The following MZT2A variants were observed in gnomAD, a reference collection of about 807,000 sequenced individuals.
The protein encoded by MZT2A is mitotic spindle organizing protein 2A.
Under a neutral mutation model 12.4 loss-of-function variants are expected in MZT2A, and 8 were observed. The ratio of observed to expected loss-of-function variants is 0.64; its 90% CI spans 0.38 to 1.16. MZT2A has a LOEUF of 1.16. MZT2A is among the 50% of genes most tolerant of loss of function. The probability of loss-of-function intolerance (pLI) is 0.01; values close to 1 mark genes in which losing one functional copy is unlikely to be tolerated. For missense variants in MZT2A, 181 were observed against 223.6 expected, an observed-to-expected ratio of 0.81 and a Z score of 1.22; for synonymous variants, 88 against 107.5, an observed-to-expected ratio of 0.82 and a Z score of 1.12.
intron 2 of MZT2A, chr2:131,478,072 G>C (rs2695520): frequency 5.0e-5 from 76 of 1,509,236 alleles, no homozygotes; most frequent in East Asian, 3.1e-4. Flanking sequence ...TACTGAAGCA[G>C]TATATAAATA....
In MZT2A at chr2:131,492,219, G is replaced by T. The variant is rs774003415; in HGVS notation, c.158C>A (p.Pro53His). 6.3e-7 allele frequency: 1 copy of T among 1,581,710 alleles called. No homozygotes were observed. The highest frequency in any genetic ancestry group is 8.6e-7 in the Non-Finnish European group (1 of 1,169,096). Residue 53 changes from proline (P) to histidine (H), a missense_variant, in exon 1 of 3, where the codon CCC (proline) becomes CAC (histidine). Coordinates refer to ENST00000309451, the MANE Select transcript of MZT2A (RefSeq NM_001085365.2). ...CCGCCCCGCTCACTTGAACACGTCG[G>T]GGTCGATACCGCCGCCCGCCGCCTG... is the stretch of plus-strand genomic sequence containing the variant. ...LAQAAGGGID[P>H]DVFKILVDLL...
chr2:131,486,227 T>C (rs1030255722), intron 2 of MZT2A, among the ~76,000 whole-genome samples: 3 of 151,940 alleles, frequency 2.0e-5, no homozygotes, highest in African/African-American at 7.3e-5. Flanking sequence ...ACGCATCTCT[T>C]GTGGTACAAA....
At chr2:131,479,307 G>T (rs765512160), downstream of MZT2A, 21 of 1,613,686 alleles carry the variant, frequency 1.3e-5, no homozygotes, top group South Asian at 2.2e-4. Flanking sequence ...CTCTTTTGCA[G>T]ATGAAGTGCG....
chr2:131,492,438 G>A (rs541060218), upstream of MZT2A: 1,465 of 1,195,350 alleles, frequency 1.2e-3, 4 homozygotes, highest in Middle Eastern at 8.1e-3. Flanking sequence ...TGCGCCCACC[G>A]CCCTCTCCCT....
downstream of MZT2A, chr2:131,482,670 A>G (rs199950748): frequency 1.3e-6 from 2 of 1,568,824 alleles, no homozygotes; most frequent in East Asian, 2.3e-5. Context: ...GCCCGCCTGG[A>G]CCATAAGTTC....
Position 131,490,497 on chromosome 2 carries a change from C to T in MZT2A, c.319+1379G>A, listed in dbSNP as rs555100776. ...GGGTGTGGGGATGTTGGTCCTGTCCCCGGATGCCAGCCCGACTGTGGGGTC... is the reference window on the plus strand; with the variant it reads ...GGGTGTGGGGATGTTGGTCCTGTCCTCGGATGCCAGCCCGACTGTGGGGTC... On this transcript the variant is annotated intron_variant, in intron 2 of 2. Coordinates refer to ENST00000309451, the MANE Select transcript of MZT2A (RefSeq NM_001085365.2). 151 of 1,423,008 alleles carry T rather than the reference C, an allele frequency of 1.1e-4. 6 individuals are homozygous for T. The South Asian group carries it at 1.7e-3, about 16-fold the overall frequency. The allele number at this position is 1,423,008 out of a possible 1,614,324, so 88.1% of individuals were successfully genotyped here.
intron 2 of MZT2A, chr2:131,478,417 C>T: frequency 6.3e-7 from 1 of 1,578,288 alleles, no homozygotes; most frequent in Non-Finnish European, 8.6e-7. Flanking sequence ...TGGCAGCTTT[C>T]CTGAGAGGGT....
intron 2 of MZT2A, chr2:131,491,548 C>T (rs1222944710): frequency 1.4e-5 from 7 of 483,162 alleles, no homozygotes; most frequent in African/African-American, 2.0e-5. Context: ...GCGTGAGCCA[C>T]GGCGCCCAGC....
At chr2:131,473,559 T>A (rs1449810921) in intron 2 of MZT2A, among the ~76,000 whole-genome samples, 7 of 150,274 alleles carry the variant, frequency 4.7e-5, no homozygotes, top group Non-Finnish European at 1.0e-4. Flanking sequence ...GCATGTCTCC[T>A]CCAGGGCTTT....
upstream of MZT2A, chr2:131,492,664 C>T: frequency 6.4e-6 from 8 of 1,253,322 alleles, no homozygotes; most frequent in Non-Finnish European, 8.1e-6. Flanking sequence ...GTCGTGCTCG[C>T]TTAGGTGGCA....
chr2:131,479,477 G>A, downstream of MZT2A: 1 of 1,609,294 alleles, frequency 6.2e-7, no homozygotes. Context: ...AAGGTTTCAT[G>A]TGGCCATTTT....
At chr2:131,491,060 G>A in intron 2 of MZT2A, 1 of 1,085,980 alleles carries the variant, frequency 9.2e-7, no homozygotes, top group Non-Finnish European at 1.4e-6. Flanking sequence ...ATGCCTGTGA[G>A]GGTCTCCTCC....
rs556388839 is a variant in MZT2A, at chr2:131,486,058, G to T, written c.320-1840C>A. 3.5e-3 allele frequency among the ~76,000 whole-genome samples: 522 copies of T among 151,148 alleles called. 1 individual carries two copies. The highest frequency in any genetic ancestry group is 7.0e-3 in the Admixed American group (107 of 15,240). On this transcript the variant is annotated intron_variant, in intron 2 of 2. Coordinates refer to ENST00000309451, the MANE Select transcript of MZT2A (RefSeq NM_001085365.2). Reference sequence around the variant, plus strand: ...GTGAGGGTTACAGCGGTGTCATGCTGGGAACTCTGTCAGCTTGTCACACTT... The same window carrying T: ...GTGAGGGTTACAGCGGTGTCATGCTTGGAACTCTGTCAGCTTGTCACACTT...
downstream of MZT2A, among the ~76,000 whole-genome samples, chr2:131,483,346 T>C (rs760449343): frequency 1.2e-4 from 19 of 152,126 alleles, no homozygotes; most frequent in Admixed American, 4.6e-4. Context: ...AACCGAGTTC[T>C]GCACAGCATT....
chr2:131,476,070 T>C lies in MZT2A; in HGVS notation c.279-3888A>G, dbSNP rs1678652574. The stretch of plus-strand genomic sequence containing the variant: ...CCGCCTCCCAGGAACTCCGAGCCAA[T>C]GGCGGCCTGGCACCGGCGGGCCAAT... On this transcript the variant is annotated intron_variant and NMD_transcript_variant, in intron 2 of 4. Coordinates refer to the MZT2A transcript ENST00000427024. The C allele has an allele frequency of 2.6e-6, 4 of 1,539,606 alleles. No homozygotes were observed. In the Admixed American group the frequency reaches 7.7e-5, roughly 30 times the overall value.
At chr2:131,490,223 G>T in intron 2 of MZT2A, 1 of 815,172 alleles carries the variant, frequency 1.2e-6, no homozygotes, top group Non-Finnish European at 1.5e-6. Flanking sequence ...AGGCGGGCAA[G>T]GGGGCTGAGT....
At chr2:131,476,012 A>T in intron 2 of MZT2A, 7 of 1,076,328 alleles carry the variant, frequency 6.5e-6, no homozygotes, top group African/African-American at 1.6e-5. Context: ...ATGTTGAGCA[A>T]TGGCCAATCA....
At chr2:131,475,738 G>A (rs1412210305) in intron 2 of MZT2A, among the ~76,000 whole-genome samples, 1 of 152,126 alleles carries the variant, frequency 6.6e-6, no homozygotes, top group Non-Finnish European at 1.5e-5. Flanking sequence ...GACTTGGGTA[G>A]ATGGCGGCAA....
At chr2:131,492,891 C>T, upstream of MZT2A, 1 of 1,508,262 alleles carries the variant, frequency 6.6e-7, no homozygotes, top group Non-Finnish European at 8.9e-7. Context: ...CGCCACAACG[C>T]AGGCGCATTC....
Sources: allele counts gnomAD v4.1 joint callset (sites outside exome capture counted in the v4.1 genomes callset), GRCh38; gene constraint gnomAD v4.1.1; transcripts MANE v1.5; gene names NCBI Gene and HGNC (gene_info 2026-07-23, HGNC 2026-07-21).